CACNG6: variants seen among roughly 807,000 people sequenced by gnomAD.
CACNG6 encodes the protein voltage-dependent calcium channel gamma-6 subunit.
In CACNG6, 21 loss-of-function variants were observed where a neutral mutation model predicts 23.9. The ratio of observed to expected loss-of-function variants is 0.88; its 90% confidence interval spans 0.62 to 1.26. CACNG6 has a LOEUF of 1.26. Ranked by LOEUF, CACNG6 falls within the 50% of genes most tolerant of loss-of-function variation. The pLI, the probability that CACNG6 is intolerant of heterozygous loss-of-function variation, is 0.00. For missense variants in CACNG6, 340 were observed against 352.9 expected (o/e 0.96, Z 0.29); for synonymous variants, 182 against 168.9 (o/e 1.08, Z -0.60).
At position 53,993,863 on chromosome 19, in the gene CACNG6, C is replaced by T. The variant is rs143275514; in HGVS notation, c.331+655C>T. On this transcript the variant is annotated intron_variant, in intron 1 of 3. Transcript: ENST00000252729. ...CCTGCCCCCACACAGCCAATGTTCCCAGGCATCGCTGTGTCCCCCCAGACC... is the reference window on the plus strand; with the variant it reads ...CCTGCCCCCACACAGCCAATGTTCCTAGGCATCGCTGTGTCCCCCCAGACC... Among the ~76,000 whole-genome samples the T allele has an allele frequency of 7.2e-4, 110 of 152,042 alleles. No homozygotes were observed. The East Asian group carries it at 0.015, about 21-fold the overall frequency.
intron 3 of CACNG6, among the ~76,000 whole-genome samples, chr19:54,011,446 A>C (rs571619664): frequency 6.8e-5 from 9 of 132,250 alleles, no homozygotes; most frequent in South Asian, 4.8e-4. Context: ...AAAAAAAAAA[A>C]AAAAAAACAA....
In CACNG6 at chr19:54,011,225, T is replaced by TACACACACAC. The variant is rs1325176394; in HGVS notation, c.545-725_545-724insCACACACACA. 1.5e-3 allele frequency among the ~76,000 whole-genome samples: 168 copies of TACACACACAC among 110,336 alleles called. 1 individual carries two copies. The highest frequency in any genetic ancestry group is 4.4e-3 in the Middle Eastern group (1 of 228). 72.4% of individuals were successfully genotyped at this position (110,336 alleles called of 152,430 possible). ...AAAAAAATATATATATATATATATATATACACACACACACACACACAAAAA... is the reference window on the plus strand; with the variant it reads ...AAAAAAATATATATATATATATATATACACACACACATACACACACACACACACACAAAAA... On this transcript the variant is annotated intron_variant, in intron 3 of 3. Coordinates refer to ENST00000252729, the MANE Select transcript of CACNG6 (RefSeq NM_145814.2).
Position 53,997,935 on chromosome 19 carries a change from C to T in CACNG6, c.332-304C>T, listed in dbSNP as rs145535451. Reference sequence around the variant, plus strand: ...CCACTTGACCCTCAACAAACCCATACGAAGGGGCCAGGAAAGAGATTATTA... The same window carrying T: ...CCACTTGACCCTCAACAAACCCATATGAAGGGGCCAGGAAAGAGATTATTA... On this transcript the variant is annotated intron_variant, in intron 1 of 3. Coordinates refer to ENST00000252729, the MANE Select transcript of CACNG6 (RefSeq NM_145814.2). 2.3e-4 allele frequency among the ~76,000 whole-genome samples: 35 copies of T among 152,186 alleles called. No individual in the cohort carries two copies. In the East Asian group the frequency reaches 5.0e-3, roughly 22 times the overall value.
At chr19:53,995,131 C>T (rs2069507770) in intron 1 of CACNG6, among the ~76,000 whole-genome samples, 1 of 151,960 alleles carries the variant, frequency 6.6e-6, no homozygotes, top group South Asian at 2.1e-4. Flanking sequence ...TTGGTTGCCT[C>T]TCTTCTCAAC....
At chr19:54,011,227 T>C (rs8100632) in intron 3 of CACNG6, among the ~76,000 whole-genome samples, 59,248 of 94,952 alleles carry the variant, frequency 0.62, 19,534 homozygotes, top group East Asian at 0.77. Context: ...TATATATATA[T>C]ACACACACAC....
chr19:53,993,178 G>T lies in CACNG6; in HGVS notation c.301G>T (p.Asp101Tyr). ...LWQADVPVDR[D>Y]TCGPAELPGE... ...GCAGGCGGACGTGCCCGTGGACAGG[G>T]ACACCTGCGGCCCCGCGGAGCTGCC... Residue 101 changes from aspartate (D) to tyrosine (Y), a missense_variant, in exon 1 of 4, where the codon GAC becomes TAC. Physicochemically the swap from Asp to Tyr is radical, Grantham distance 160. Coordinates refer to ENST00000252729, the MANE Select transcript of CACNG6 (RefSeq NM_145814.2). 6.5e-7 allele frequency: 1 copy of T among 1,543,192 alleles called. No individual in the cohort carries two copies.
upstream of CACNG6, among the ~76,000 whole-genome samples, chr19:53,991,578 T>A (rs1387809113): frequency 2.9e-4 from 2 of 6,784 alleles, no homozygotes; most frequent in East Asian, 2.7e-3. Flanking sequence ...GCCCCGAGGG[T>A]GGAGGGTGGA....
Position 54,012,170 on chromosome 19 carries a change from G to A in CACNG6, c.764G>A (p.Arg255Gln), listed in dbSNP as rs148905506. 26 of 1,431,054 alleles carry A rather than the reference G, an allele frequency of 1.8e-5. No individual in the cohort carries two copies. The highest frequency in any genetic ancestry group is 1.6e-4 in the African/African-American group (11 of 68,388). 88.6% of individuals were successfully genotyped at this position (1,431,054 alleles called of 1,614,324 possible). Residue 255 changes from arginine (R) to glutamine (Q), a missense_variant, in exon 4 of 4, where the codon CGG (arginine) becomes CAG (glutamine). Arg to Gln is a conservative substitution (Grantham distance 43). Transcript: ENST00000252729. ...SWPWGSLCPK[R>Q]GHRAT ...CCCTGGGGGTCCCTCTGTCCCAAGC[G>A]GGGGCACCGGGCCACCTAGAGCCAC...
upstream of CACNG6, among the ~76,000 whole-genome samples, chr19:53,991,572 C>CGAGGGTG (rs535117076): frequency 0.13 from 8,497 of 63,620 alleles, 524 homozygotes; most frequent in African/African-American, 0.3. Context: ...GAAATAGCCC[C>CGAGGGTG]GAGGGTGGAG....
intron 3 of CACNG6, among the ~76,000 whole-genome samples, chr19:54,005,569 C>T (rs556964253): frequency 1.3e-5 from 2 of 151,792 alleles, no homozygotes; most frequent in East Asian, 2.0e-4. Context: ...GCCTGGCCAA[C>T]GTGGTGAAAC....
At chr19:53,995,932 G>T (rs1479141706) in intron 1 of CACNG6, among the ~76,000 whole-genome samples, 1 of 152,200 alleles carries the variant, frequency 6.6e-6, no homozygotes, top group Non-Finnish European at 1.5e-5. Flanking sequence ...AAAGTGCTGG[G>T]ATGACAGGCA....
intron 2 of CACNG6, among the ~76,000 whole-genome samples, chr19:53,998,592 A>G (rs1600056014): frequency 6.7e-6 from 1 of 149,050 alleles, no homozygotes; most frequent in Non-Finnish European, 1.5e-5. Flanking sequence ...GCTCACTGCA[A>G]CCTCCGCCTC....
chr19:54,011,563 C>T (rs372293592), intron 3 of CACNG6, among the ~76,000 whole-genome samples: 3 of 151,986 alleles, frequency 2.0e-5, no homozygotes, highest in East Asian at 3.9e-4. Flanking sequence ...GCCTTTTAAT[C>T]ATTTTCCAGC....
chr19:53,993,279 G>A, intron 1 of CACNG6, 71 bp downstream of exon 1: 2 of 1,428,124 alleles, frequency 1.4e-6, no homozygotes, highest in Non-Finnish European at 1.9e-6. Flanking sequence ...CCGTGTCCGA[G>A]GAGAAAACCC....
chr19:54,000,193 G>T (rs577018303), intron 3 of CACNG6, among the ~76,000 whole-genome samples: 1 of 152,324 alleles, frequency 6.6e-6, no homozygotes, highest in South Asian at 2.1e-4. Context: ...AGAGTTCTAA[G>T]CCCTGTTGTT....
chr19:54,004,683 C>T (rs1252072163), intron 3 of CACNG6, among the ~76,000 whole-genome samples: 2 of 152,146 alleles, frequency 1.3e-5, no homozygotes, highest in African/African-American at 2.4e-5. Flanking sequence ...GCTCCGGCCA[C>T]GCCAGCCTCT....
chr19:53,996,668 C>T (rs1293772851), intron 1 of CACNG6, among the ~76,000 whole-genome samples: 1 of 152,154 alleles, frequency 6.6e-6, no homozygotes, highest in Non-Finnish European at 1.5e-5. Flanking sequence ...GTTGGGATTA[C>T]AGGCATGAGC....
In CACNG6 at chr19:54,005,163, C is replaced by G. The variant is rs1001935436; in HGVS notation, c.544+5392C>G. Among the ~76,000 whole-genome samples, 3 of 150,306 alleles carry G rather than the reference C, an allele frequency of 2.0e-5. No homozygotes were observed. In the East Asian group the frequency reaches 6.0e-4, roughly 30 times the overall value. The stretch of plus-strand genomic sequence containing the variant: ...GGTGGAGGTTGCAGTGAGCTGGGAT[C>G]GCGCCACTGCACTCCAGCCTGGGCG... On this transcript the variant is annotated intron_variant, in intron 3 of 3. Transcript: ENST00000252729.
At position 54,012,196 on chromosome 19, in the gene CACNG6, G is replaced by A. The variant is rs763193820; in HGVS notation, c.*7G>A. 2 of 1,248,686 alleles carry A rather than the reference G, an allele frequency of 1.6e-6. No homozygotes were observed. Among genetic ancestry groups the A allele is most frequent in the Middle Eastern group, 2.0e-4 (1 of 4,930 alleles). 77.4% of individuals were successfully genotyped at this position (1,248,686 alleles called of 1,614,324 possible). A position where few individuals can be genotyped will look rare whatever the true frequency, so the allele number is the denominator to read the frequency against. On this transcript the variant is annotated 3_prime_UTR_variant, in exon 4 of 4. Coordinates refer to ENST00000252729, the MANE Select transcript of CACNG6 (RefSeq NM_145814.2). ...GGGGCACCGGGCCACCTAGAGCCAC[G>A]CGTGAGACTTCTCTAAGCAACCACC...
Sources: allele counts gnomAD v4.1 joint callset (sites outside exome capture counted in the v4.1 genomes callset), GRCh38; gene constraint gnomAD v4.1.1; transcripts MANE v1.5; gene names NCBI Gene and HGNC (gene_info 2026-07-23, HGNC 2026-07-21).